ASCC3: variants seen among roughly 807,000 people sequenced by gnomAD.
ASCC3 encodes the protein activating signal cointegrator 1 complex subunit 3.
Under a neutral mutation model 256.3 loss-of-function variants are expected in ASCC3, and 158 were observed. The ratio of observed to expected loss-of-function variants is 0.62; its 90% CI spans 0.54 to 0.70. The LOEUF (loss-of-function observed/expected upper bound fraction) is 0.70, where lower values mean the gene tolerates loss of function less well. Among genes scored for constraint, ASCC3 ranks in the 30% least tolerant of loss-of-function variants. The pLI is 0.00. For synonymous variants in ASCC3, 948 were observed against 883.4 expected (o/e 1.07, Z -1.30); for missense variants, 2,259 against 2,626.0 (o/e 0.86, Z 3.05).
At chr6:100,767,905 C>T (rs902917868) in intron 8 of ASCC3, among the ~76,000 whole-genome samples, 7 of 151,900 alleles carry the variant, frequency 4.6e-5, no homozygotes, top group Non-Finnish European at 1.0e-4. Flanking sequence ...CGTGAGCCAC[C>T]GCACCCGGCC....
chr6:100,810,521 TTTTTAACCC>T (rs1265028705), intron 4 of ASCC3, among the ~76,000 whole-genome samples: 2 of 152,180 alleles, frequency 1.3e-5, no homozygotes, highest in Non-Finnish European at 2.9e-5. Flanking sequence ...TTCTTTCAAA[TTTTTAACCC>T]TTAAATAAGT....
intron 36 of ASCC3, among the ~76,000 whole-genome samples, chr6:100,585,267 C>T (rs1274693693): frequency 6.6e-6 from 1 of 152,142 alleles, no homozygotes; most frequent in Non-Finnish European, 1.5e-5. Context: ...TTCTTGGAGG[C>T]TTTGTTCGTT....
At chr6:100,838,460 C>G (rs9386258) in intron 4 of ASCC3, among the ~76,000 whole-genome samples, 51,812 of 151,664 alleles carry the variant, frequency 0.34, 10,375 homozygotes, top group Middle Eastern at 0.49. Flanking sequence ...AGAAAATGAC[C>G]ATGAAAATTA....
At chr6:100,794,398 T>A (rs1769502433) in intron 8 of ASCC3, among the ~76,000 whole-genome samples, 1 of 152,104 alleles carries the variant, frequency 6.6e-6, no homozygotes, top group African/African-American at 2.4e-5. Context: ...TGCAACATCC[T>A]TTGTGTGGCA....
chr6:100,655,427 C>T (rs895011246), intron 17 of ASCC3, among the ~76,000 whole-genome samples: 2 of 151,494 alleles, frequency 1.3e-5, no homozygotes, highest in Non-Finnish European at 3.0e-5. Flanking sequence ...AAAAATCACA[C>T]CAAAATATTA....
chr6:100,652,758 G>A lies in ASCC3; in HGVS notation c.2955C>T (p.Ala985=). 1.2e-6 allele frequency: 2 copies of A among 1,613,730 alleles called. No homozygotes were observed. The highest frequency in any genetic ancestry group is 1.7e-6 in the Non-Finnish European group (2 of 1,179,862). Residue 985 remains alanine (A), a synonymous_variant, in exon 18 of 42, where the codon GCC becomes GCT. Coordinates refer to ENST00000369162, the MANE Select transcript of ASCC3 (RefSeq NM_006828.4). ...TGTTGTATTTAATATAGTAATGGCT[G>A]GCAGTTCTACCCAAATCAGTTGAGG... is the stretch of plus-strand genomic sequence containing the variant. ...YFSSTDLGRT[A]SHYYIKYNTI...
chr6:100,761,200 A>G (rs560986780), intron 10 of ASCC3, among the ~76,000 whole-genome samples: 2 of 152,310 alleles, frequency 1.3e-5, no homozygotes, highest in African/African-American at 4.8e-5. Flanking sequence ...AAGGGCTGAA[A>G]GAAAAGAAGG....
intron 25 of ASCC3, among the ~76,000 whole-genome samples, chr6:100,632,613 T>G (rs977724438): frequency 5.3e-5 from 8 of 152,022 alleles, no homozygotes; most frequent in African/African-American, 1.7e-4. Flanking sequence ...AGTATGGACC[T>G]GACATAAAAA....
intron 36 of ASCC3, among the ~76,000 whole-genome samples, chr6:100,558,753 A>T (rs1005039214): frequency 6.6e-5 from 10 of 152,124 alleles, no homozygotes; most frequent in African/African-American, 2.2e-4. Context: ...ACACTGCTCT[A>T]GGCTTCTTAA....
chr6:100,511,125 G>C (rs1173225606), intron 40 of ASCC3, among the ~76,000 whole-genome samples: 1 of 151,778 alleles, frequency 6.6e-6, no homozygotes, highest in East Asian at 1.9e-4. Flanking sequence ...TTATAAGTTG[G>C]AATACATTAA....
At chr6:100,735,230 C>A (rs1780094845) in intron 10 of ASCC3, among the ~76,000 whole-genome samples, 2 of 152,080 alleles carry the variant, frequency 1.3e-5, no homozygotes. Context: ...ACTCCAATAT[C>A]CATTTTCTTT....
At chr6:100,618,804 C>T (rs1170963146) in intron 30 of ASCC3, among the ~76,000 whole-genome samples, 1 of 152,162 alleles carries the variant, frequency 6.6e-6, no homozygotes, top group Admixed American at 6.5e-5. Flanking sequence ...TTTTAATTCT[C>T]TTTTCCTACC....
intron 1 of ASCC3, among the ~76,000 whole-genome samples, chr6:100,871,591 A>AC (rs776525145): frequency 3.1e-4 from 47 of 151,894 alleles, no homozygotes; most frequent in Admixed American, 7.9e-4. Context: ...ACACAGTGAG[A>AC]CCCCCAACTC....
chr6:100,620,844 T>C (rs1407342623), intron 30 of ASCC3, among the ~76,000 whole-genome samples: 1 of 152,164 alleles, frequency 6.6e-6, no homozygotes, highest in Non-Finnish European at 1.5e-5. Context: ...ACACAAAGAT[T>C]AAAATGTTAA....
chr6:100,723,851 A>G lies in ASCC3; in HGVS notation c.1902+1688T>C, dbSNP rs1779458847. Among the ~76,000 whole-genome samples, 3 of 111,926 alleles carry G rather than the reference A, an allele frequency of 2.7e-5. No homozygotes were observed. In the South Asian group the frequency reaches 9.8e-4, roughly 36 times the overall value. The allele number at this position is 111,926 out of a possible 152,430, so 73.4% of individuals were successfully genotyped here. A position where few individuals can be genotyped will look rare whatever the true frequency, so the allele number is the denominator to read the frequency against. On this transcript the variant is annotated intron_variant, in intron 11 of 41. Coordinates refer to ENST00000369162, the MANE Select transcript of ASCC3 (RefSeq NM_006828.4). ...CTGGGTTTGGATATGGCCAGAAGTTATTAGGGAATTATATATATATATATA... is the reference window on the plus strand; with the variant it reads ...CTGGGTTTGGATATGGCCAGAAGTTGTTAGGGAATTATATATATATATATA...
chr6:100,671,870 T>G (rs1331905880), intron 14 of ASCC3, among the ~76,000 whole-genome samples: 1 of 152,038 alleles, frequency 6.6e-6, no homozygotes, highest in Non-Finnish European at 1.5e-5. Flanking sequence ...AAAAAACTGG[T>G]AGCAAGCAAC....
rs146571502 is a variant in ASCC3 at position 100,619,392 on chromosome 6, T to C, written c.4785+5800A>G. 6.2e-4 allele frequency among the ~76,000 whole-genome samples: 95 copies of C among 152,172 alleles called. 1 individual carries two copies. Among genetic ancestry groups the C allele is most frequent in the African/African-American group, 2.2e-3 (90 of 41,484 alleles). On this transcript the variant is annotated intron_variant, in intron 30 of 41. Coordinates refer to ENST00000369162, the MANE Select transcript of ASCC3 (RefSeq NM_006828.4). ...TTATCCTGATGAAGAAATTGGGCTATTTTTTTATAATAAGGGGAGAGAAAT... is the reference window on the plus strand; with the variant it reads ...TTATCCTGATGAAGAAATTGGGCTACTTTTTTATAATAAGGGGAGAGAAAT...
chr6:100,543,873 A>G (rs1006944378), intron 36 of ASCC3, among the ~76,000 whole-genome samples: 3 of 152,160 alleles, frequency 2.0e-5, no homozygotes, highest in African/African-American at 7.2e-5. Context: ...TGACATTTAT[A>G]AAACACACAA....
intron 36 of ASCC3, among the ~76,000 whole-genome samples, chr6:100,575,611 C>T (rs1210416943): frequency 6.6e-6 from 1 of 151,962 alleles, no homozygotes; most frequent in South Asian, 2.1e-4. Flanking sequence ...TAGTCAATAT[C>T]CAAGCTTGTG....
Sources: allele counts gnomAD v4.1 joint callset (sites outside exome capture counted in the v4.1 genomes callset), GRCh38; gene constraint gnomAD v4.1.1; transcripts MANE v1.5; gene names NCBI Gene and HGNC (gene_info 2026-07-23, HGNC 2026-07-21).